Variants in TGDS observed in about 807,000 individuals in gnomAD.
TGDS encodes TDP-glucose 4,6-dehydratase.
A neutral mutation model predicts 52.3 loss-of-function variants in TGDS; 47 were observed. The observed-to-expected ratio is 0.90, with a 90% confidence interval of 0.71 to 1.15. TGDS has a LOEUF of 1.15. TGDS is among the 50% of genes most tolerant of loss of function. The pLI is 0.00. For synonymous variants in TGDS, 115 were observed against 136.9 expected (o/e 0.84, Z 1.12); for missense variants, 375 against 418.4 (o/e 0.90, Z 0.90).
chr13:94,589,050 T>C (rs1889099763), intron 4 of TGDS, among the ~76,000 whole-genome samples: 1 of 152,126 alleles, frequency 6.6e-6, no homozygotes, highest in South Asian at 2.1e-4. Flanking sequence ...AAAATACATC[T>C]TCGTGACCTT....
chr13:94,575,913 C>T (rs1383477599), intron 11 of TGDS, among the ~76,000 whole-genome samples: 1 of 151,990 alleles, frequency 6.6e-6, no homozygotes, highest in East Asian at 1.9e-4. Context: ...AAGACTGCAT[C>T]TATATTTCAC....
chr13:94,588,808 T>C (rs1247720228), intron 4 of TGDS, among the ~76,000 whole-genome samples: 5 of 152,278 alleles, frequency 3.3e-5, no homozygotes, highest in African/African-American at 7.2e-5. Context: ...TTCGTCAATA[T>C]AGTGCGTAAT....
Position 94,577,401 on chromosome 13 carries a change from AT to A in TGDS, c.853del (p.Met285TrpfsTer16), listed in dbSNP as rs1273031907. Reference protein sequence around the residue: ...LIKETNSESEMENWVDYVNDR... With the variant: ...LIKETNSESEXENWVDYVNDR... ...ATTAACATAATCAACCCAATTTTCCATTTCAGACTCTGAATTGGTCTCTTTG... is the reference window on the plus strand; with the variant it reads ...ATTAACATAATCAACCCAATTTTCCATTCAGACTCTGAATTGGTCTCTTTG... On this transcript the variant is annotated frameshift_variant, in exon 10 of 12. Coordinates refer to ENST00000261296, the MANE Select transcript of TGDS (RefSeq NM_014305.4). LOFTEE classifies it high-confidence loss of function. 1.3e-6 allele frequency: 2 copies of A among 1,577,774 alleles called. No homozygotes were observed. Among genetic ancestry groups the A allele is most frequent in the Admixed American group, 3.8e-5 (2 of 52,888 alleles).
chr13:94,592,597 C>G (rs1417379255), intron 2 of TGDS, among the ~76,000 whole-genome samples: 3 of 152,024 alleles, frequency 2.0e-5, no homozygotes, highest in Non-Finnish European at 4.4e-5. Flanking sequence ...GGACTACAGG[C>G]ACCCGCCACC....
At chr13:94,593,935 T>C (rs1267078844) in intron 1 of TGDS, 28 bp from the exon 2 acceptor site, 35 of 1,429,668 alleles carry the variant, frequency 2.4e-5, no homozygotes, top group Non-Finnish European at 3.3e-5. Context: ...ATCTTGTTAG[T>C]GAAAAACTTT....
chr13:94,596,151 G>A lies in TGDS; in HGVS notation c.-15C>T, dbSNP rs1889374349. The A allele has an allele frequency of 6.2e-7, 1 of 1,613,294 alleles. No homozygotes were observed. On this transcript the variant is annotated 5_prime_UTR_variant, in exon 1 of 12. Coordinates refer to ENST00000261296, the MANE Select transcript of TGDS (RefSeq NM_014305.4). ...GCCGCCGACATCTCCCAGCTCAGCA[G>A]TGCCTAGTACCGTAAAGAGTATGGT...
At chr13:94,596,257 C>G, upstream of TGDS, 1 of 1,138,286 alleles carries the variant, frequency 8.8e-7, no homozygotes, top group Non-Finnish European at 1.2e-6. Context: ...CAGCCAGAGG[C>G]AGCTTCCGGA....
In TGDS at chr13:94,596,143, G is replaced by C; in HGVS notation, c.-7C>G. ...CCCAACACGCCGCCGACATCTCCCA[G>C]CTCAGCAGTGCCTAGTACCGTAAAG... On this transcript the variant is annotated 5_prime_UTR_variant, in exon 1 of 12. Coordinates refer to ENST00000261296, the MANE Select transcript of TGDS (RefSeq NM_014305.4). 6.2e-7 allele frequency: 1 copy of C among 1,613,718 alleles called. No individual in the cohort carries two copies. The highest frequency in any genetic ancestry group is 8.5e-7 in the Non-Finnish European group (1 of 1,179,836).
At chr13:94,587,905 G>A (rs979793930) in intron 4 of TGDS, among the ~76,000 whole-genome samples, 2 of 149,918 alleles carry the variant, frequency 1.3e-5, no homozygotes, top group African/African-American at 2.5e-5. Context: ...GCTGAGGCAG[G>A]AGAATGGCAT....
Position 94,587,232 on chromosome 13 carries a change from T to C in TGDS, c.313+3621A>G, listed in dbSNP as rs180774325. The stretch of plus-strand genomic sequence containing the variant: ...AAAGATTAGAAAAAAGAATAGAAAG[T>C]AAGCCTAAACAAAGTAGAAATAATG... On this transcript the variant is annotated intron_variant, in intron 4 of 11. Transcript: ENST00000261296. Among the ~76,000 whole-genome samples the C allele has an allele frequency of 4.4e-3, 665 of 152,104 alleles. 4 individuals are homozygous for C. The highest frequency in any genetic ancestry group is 0.015 in the African/African-American group (617 of 41,470).
chr13:94,576,452 A>G (rs1271353945), intron 10 of TGDS, 41 bp from the exon 11 acceptor site: 1 of 1,336,780 alleles, frequency 7.5e-7, no homozygotes. Flanking sequence ...TTGTAGATAT[A>G]TATTTACAAA....
intron 4 of TGDS, among the ~76,000 whole-genome samples, chr13:94,583,443 G>A (rs200882625): frequency 1.3e-5 from 2 of 151,970 alleles, no homozygotes; most frequent in Non-Finnish European, 2.9e-5. Flanking sequence ...TCAGAACCCA[G>A]AAAACTAATG....
chr13:94,578,290 G>T, intron 8 of TGDS, 120 bp from the exon 9 acceptor site: 2 of 957,688 alleles, frequency 2.1e-6, no homozygotes, highest in South Asian at 1.6e-5. Context: ...AATCTTTACT[G>T]AAAATACAAA....
At chr13:94,579,858 A>T in intron 7 of TGDS, 36 bp downstream of exon 7, 1 of 1,207,768 alleles carries the variant, frequency 8.3e-7, no homozygotes, top group Non-Finnish European at 1.2e-6. Flanking sequence ...AGTTACAATC[A>T]CTGAAAAACA....
At chr13:94,583,652 A>G (rs995066116) in intron 4 of TGDS, among the ~76,000 whole-genome samples, 3 of 152,338 alleles carry the variant, frequency 2.0e-5, no homozygotes, top group African/African-American at 7.2e-5. Flanking sequence ...TTGAACCTCT[A>G]TAACCAGGAA....
At chr13:94,575,793 T>C (rs1453770508) in intron 11 of TGDS, among the ~76,000 whole-genome samples, 1 of 152,146 alleles carries the variant, frequency 6.6e-6, no homozygotes, top group East Asian at 1.9e-4. Context: ...TAAATACAGC[T>C]TTAACATGTA....
chr13:94,595,240 G>A (rs1227741176), intron 1 of TGDS, among the ~76,000 whole-genome samples: 1 of 152,088 alleles, frequency 6.6e-6, no homozygotes, highest in African/African-American at 2.4e-5. Context: ...GAACTAAGAG[G>A]GGAAGCATGG....
intron 5 of TGDS, among the ~76,000 whole-genome samples, chr13:94,582,824 T>A (rs993510124): frequency 2.0e-5 from 3 of 152,194 alleles, no homozygotes; most frequent in African/African-American, 7.2e-5. Context: ...GACTCCAAAT[T>A]CTTCAATTCT....
At chr13:94,596,176 T>C (rs771617072), upstream of TGDS, 2 of 1,595,792 alleles carry the variant, frequency 1.3e-6, no homozygotes, top group Non-Finnish European at 1.7e-6. Context: ...AAGAGTATGG[T>C]CTGAAAAGCG....
Sources: allele counts gnomAD v4.1 joint callset (sites outside exome capture counted in the v4.1 genomes callset), GRCh38; gene constraint gnomAD v4.1.1; transcripts MANE v1.5; gene names NCBI Gene and HGNC (gene_info 2026-07-23, HGNC 2026-07-21).